SOCS7: variants seen among roughly 807,000 people sequenced by gnomAD.
SOCS7 encodes suppressor of cytokine signaling 7.
SOCS7 carries 18 observed loss-of-function variants against 58.9 expected under a neutral mutation model. The ratio of observed to expected loss-of-function variants is 0.31; its 90% CI spans 0.21 to 0.45. The LOEUF (loss-of-function observed/expected upper bound fraction) is 0.45. Ranked by LOEUF, SOCS7 falls within the 20% of genes least tolerant of loss-of-function variation. The probability of loss-of-function intolerance (pLI) is 1.00; values close to 1 mark genes in which losing one functional copy is unlikely to be tolerated. For missense variants in SOCS7, 667 were observed against 837.3 expected (o/e 0.80, Z 2.51); for synonymous variants, 388 against 364.3 (o/e 1.06, Z -0.74).
chr17:38,361,148 C>A (rs920665949), intron 1 of SOCS7, among the ~76,000 whole-genome samples: 1 of 152,230 alleles, frequency 6.6e-6, no homozygotes, highest in Non-Finnish European at 1.5e-5. Flanking sequence ...TCTGAGGAGG[C>A]CCACTTAGTA....
intron 7 of SOCS7, 84 bp downstream of exon 7, chr17:38,377,926 C>CCATG: frequency 7.2e-7 from 1 of 1,382,944 alleles, no homozygotes; most frequent in Non-Finnish European, 9.9e-7. Context: ...CCACAAAAGG[C>CCATG]CATGGTTAAG....
Position 38,389,898 on chromosome 17 carries a change from TACACATATAG to T in SOCS7, c.1682-5409_1682-5400del, listed in dbSNP as rs1412127959. Among the ~76,000 whole-genome samples, 497 of 82,446 alleles carry T rather than the reference TACACATATAG, an allele frequency of 6.0e-3. 33 individuals carry two copies. The highest frequency in any genetic ancestry group is 0.041 in the African/African-American group (476 of 11,736). The allele number at this position is 82,446 out of a possible 152,430, so 54.1% of individuals were successfully genotyped here. ...ATATATATATGTACATATATATATATACACATATAGAGAGAGAGAGAGAGAGAGAGTGAGA... is the reference window on the plus strand; with the variant it reads ...ATATATATATGTACATATATATATATAGAGAGAGAGAGAGAGAGAGTGAGA... On this transcript the variant is annotated intron_variant, in intron 7 of 9. Coordinates refer to ENST00000612932, the MANE Select transcript of SOCS7 (RefSeq NM_014598.4).
intron 6 of SOCS7, 52 bp from the exon 7 acceptor site, chr17:38,377,662 A>G: frequency 6.4e-7 from 1 of 1,554,696 alleles, no homozygotes; most frequent in Non-Finnish European, 8.7e-7. Context: ...CCAGCCTCTC[A>G]TGTCTTCTGA....
intron 7 of SOCS7, among the ~76,000 whole-genome samples, chr17:38,385,129 C>G (rs965341073): frequency 7.3e-6 from 1 of 137,404 alleles, no homozygotes; most frequent in Non-Finnish European, 1.6e-5. Flanking sequence ...AACTGCTGAC[C>G]TCGTGATCCA....
At chr17:38,375,623 G>C (rs1284010587) in intron 6 of SOCS7, among the ~76,000 whole-genome samples, 1 of 152,070 alleles carries the variant, frequency 6.6e-6, no homozygotes, top group Non-Finnish European at 1.5e-5. Flanking sequence ...AGTTTTGGGG[G>C]AGTCAAATGG....
chr17:38,354,916 C>T (rs989512649), intron 1 of SOCS7, among the ~76,000 whole-genome samples: 2 of 152,138 alleles, frequency 1.3e-5, no homozygotes, highest in Non-Finnish European at 2.9e-5. Context: ...GGTTTTTTGC[C>T]TTTGGAAGCA....
At chr17:38,387,657 GTATATATTATAC>G (rs1293343238) in intron 7 of SOCS7, among the ~76,000 whole-genome samples, 1 of 123,932 alleles carries the variant, frequency 8.1e-6, no homozygotes, top group Admixed American at 8.4e-5. Flanking sequence ...ACTATATATT[GTATATATTATAC>G]TATATATTTT....
In SOCS7 at chr17:38,386,027, A is replaced by G. The variant is rs538189842; in HGVS notation, c.1681+8185A>G. ...GACCCTGTCTCTACCAAAAAAATAA[A>G]TTAAAAACTAGCCGAGGCCAGGCGC... On this transcript the variant is annotated intron_variant, in intron 7 of 9. Transcript: ENST00000612932. Among the ~76,000 whole-genome samples the G allele has an allele frequency of 2.0e-4, 30 of 152,212 alleles. No individual in the cohort carries two copies. The South Asian group carries it at 6.0e-3, about 30-fold the overall frequency.
chr17:38,352,688 C>T lies in SOCS7; in HGVS notation c.636C>T (p.Gly212=). 3 of 1,549,910 alleles carry T rather than the reference C, an allele frequency of 1.9e-6. No homozygotes were observed. Among genetic ancestry groups the T allele is most frequent in the East Asian group, 2.4e-5 (1 of 40,918 alleles). The change falls in exon 1 of 10, where the codon GGC becomes GGT. Residue 212 remains glycine, a synonymous_variant. Coordinates refer to ENST00000612932, the MANE Select transcript of SOCS7 (RefSeq NM_014598.4). The surrounding 1 kb of genome is among the most constrained non-coding windows in gnomAD (Gnocchi z 5.5). ...CGGGTCGCGGAGGAGGAGGGGGCGG[C>T]CGGCTTCTGCTGCAGCCCCCAGGCC... ...SSPGRGGGGG[G]RLLLQPPGPE...
rs1220730136 is a variant in SOCS7 at position 38,401,991 on chromosome 17, G to T, written c.*2509G>T. On this transcript the variant is annotated 3_prime_UTR_variant, in exon 10 of 10. Transcript: ENST00000612932. The stretch of plus-strand genomic sequence containing the variant: ...CAGCTCAGGCCATGTGAGGGAGGCA[G>T]AGCCTCTGCACCCCCTGTGTTACTG... 6.6e-6 allele frequency: 1 copy of T among 152,292 alleles called. No individual in the cohort carries two copies. The highest frequency in any genetic ancestry group is 1.5e-5 in the Non-Finnish European group (1 of 68,088). 9.4% of individuals were successfully genotyped at this position (152,292 alleles called of 1,614,324 possible). A position where few individuals can be genotyped will look rare whatever the true frequency, so the allele number is the denominator to read the frequency against.
In SOCS7 at chr17:38,403,436, T is replaced by C. The variant is rs1267378346; in HGVS notation, c.*3954T>C. ...AAAGCATGGCCTGCTTGAAGCCCTC[T>C]GCTCCCTGCAGAAACTGGGGCGAGG... On this transcript the variant is annotated 3_prime_UTR_variant, in exon 10 of 10. Coordinates refer to ENST00000612932, the MANE Select transcript of SOCS7 (RefSeq NM_014598.4). 1 of 152,264 alleles carries C rather than the reference T, an allele frequency of 6.6e-6. No individual in the cohort carries two copies. The highest frequency in any genetic ancestry group is 1.9e-4 in the East Asian group (1 of 5,178). The allele number at this position is 152,264 out of a possible 1,614,324, so 9.4% of individuals were successfully genotyped here. A position where few individuals can be genotyped will look rare whatever the true frequency, so the allele number is the denominator to read the frequency against.
chr17:38,374,257 G>A, intron 6 of SOCS7, among the ~76,000 whole-genome samples: 1 of 146,520 alleles, frequency 6.8e-6, no homozygotes, highest in Non-Finnish European at 1.5e-5. Flanking sequence ...GAAATTGTGG[G>A]CCAGGTGCAG....
At chr17:38,394,535 T>C (rs1181031634) in intron 7 of SOCS7, among the ~76,000 whole-genome samples, 2 of 152,140 alleles carry the variant, frequency 1.3e-5, no homozygotes, top group South Asian at 2.1e-4. Flanking sequence ...GCTGAACCAA[T>C]TGGAATTTGG....
At chr17:38,397,800 G>T (rs1567754592) in intron 9 of SOCS7, among the ~76,000 whole-genome samples, 1 of 152,198 alleles carries the variant, frequency 6.6e-6, no homozygotes, top group Non-Finnish European at 1.5e-5. Flanking sequence ...GCTAATTTCA[G>T]GTGACTGTAC....
rs1322569064 is a variant in SOCS7 at position 38,352,238 on chromosome 17, G to A, written c.186G>A (p.Pro62=). The change falls in exon 1 of 10, where the codon CCG becomes CCA. Residue 62 remains proline, a synonymous_variant. Transcript: ENST00000612932. This position sits in a 1 kb window ranked among gnomAD's most constrained non-coding sequence, Gnocchi z 5.5. ...CCGGCCCGCGGGGCTCCCGGCCGCCGCAGCTGATGGTGTTCCGCAACGTGG... is the reference window on the plus strand; with the variant it reads ...CCGGCCCGCGGGGCTCCCGGCCGCCACAGCTGATGGTGTTCCGCAACGTGG... ...ARPGPRGSRP[P]QLMVFRNVGR... is the part of the protein sequence containing the mutation. The A allele has an allele frequency of 2.9e-6, 4 of 1,399,446 alleles. No individual in the cohort carries two copies. The highest frequency in any genetic ancestry group is 3.7e-6 in the Non-Finnish European group (4 of 1,083,428). The allele number at this position is 1,399,446 out of a possible 1,614,324, so 86.7% of individuals were successfully genotyped here. A position where few individuals can be genotyped will look rare whatever the true frequency, so the allele number is the denominator to read the frequency against.
rs1007307417 is a variant in SOCS7, at chr17:38,371,756, T to G, written c.1552+3706T>G. On this transcript the variant is annotated intron_variant, in intron 6 of 9. Coordinates refer to ENST00000612932, the MANE Select transcript of SOCS7 (RefSeq NM_014598.4). Reference sequence around the variant, plus strand: ...GCCACTGTGCCTGGCCCTTTTGTGTTTTTTTTTTTTTTTTTTTTTTTTGTG... The same window carrying G: ...GCCACTGTGCCTGGCCCTTTTGTGTGTTTTTTTTTTTTTTTTTTTTTTGTG... Among the ~76,000 whole-genome samples the G allele has an allele frequency of 9.0e-4, 92 of 102,406 alleles. No homozygotes were observed. The East Asian group carries it at 0.026, about 29-fold the overall frequency. 67.2% of individuals were successfully genotyped at this position (102,406 alleles called of 152,430 possible).
At chr17:38,353,416 G>C (rs139106433) in intron 1 of SOCS7, among the ~76,000 whole-genome samples, 227 of 152,304 alleles carry the variant, frequency 1.5e-3, no homozygotes, top group African/African-American at 5.3e-3. Flanking sequence ...CACCTTGACC[G>C]CCTTGCTTAT....
At chr17:38,367,850 A>T in intron 5 of SOCS7, 32 bp from the exon 6 acceptor site, 2 of 1,602,950 alleles carry the variant, frequency 1.2e-6, no homozygotes, top group Middle Eastern at 3.3e-4. Context: ...CTCTGTCCTG[A>T]TAACTAGTGG....
rs552528848 is a variant in SOCS7 at position 38,384,780 on chromosome 17, G to A, written c.1681+6938G>A. Among the ~76,000 whole-genome samples the A allele has an allele frequency of 4.0e-5, 6 of 151,530 alleles. No individual in the cohort carries two copies. The East Asian group carries it at 1.2e-3, about 29-fold the overall frequency. Reference sequence around the variant, plus strand: ...GCTAATTTTTTAATTTTTAGTAGAGGCAGGGTTTTACCATGTTGGTCAGGC... The same window carrying A: ...GCTAATTTTTTAATTTTTAGTAGAGACAGGGTTTTACCATGTTGGTCAGGC... On this transcript the variant is annotated intron_variant, in intron 7 of 9. Coordinates refer to ENST00000612932, the MANE Select transcript of SOCS7 (RefSeq NM_014598.4).
Sources: gnomAD v4.1 joint callset for allele counts (sites outside exome capture counted in the v4.1 genomes callset) on GRCh38, gnomAD v4.1.1 for gene constraint, Gnocchi (gnomAD v3.1) non-coding constraint, MANE v1.5 for transcripts, NCBI Gene and HGNC (gene_info 2026-07-23, HGNC 2026-07-21) for gene names.